The following CCDC57 variants were observed in gnomAD, a reference collection of about 807,000 sequenced individuals.
The protein encoded by CCDC57 is coiled-coil domain-containing protein 57.
Under a neutral mutation model 118.9 loss-of-function variants are expected in CCDC57, and 118 were observed. That is an observed-to-expected ratio of 0.99 (90% CI 0.86 to 1.16). CCDC57 has a LOEUF of 1.16. Among genes scored for constraint, CCDC57 ranks in the 50% most tolerant of loss-of-function variants. The probability of loss-of-function intolerance (pLI) is 0.00; values close to 1 mark genes in which losing one functional copy is unlikely to be tolerated. For missense variants in CCDC57, 1,300 were observed against 1,320.7 expected (o/e 0.98, Z 0.24); for synonymous variants, 527 against 532.9 (o/e 0.99, Z 0.15).
At chr17:82,110,534 T>C (rs1035009030) in intron 19 of CCDC57, among the ~76,000 whole-genome samples, 3 of 152,134 alleles carry the variant, frequency 2.0e-5, no homozygotes, top group African/African-American at 7.2e-5. Context: ...ACCTTACAGG[T>C]AGATGATTCA....
At chr17:82,173,160 T>C (rs964503379) in intron 11 of CCDC57, among the ~76,000 whole-genome samples, 3 of 152,152 alleles carry the variant, frequency 2.0e-5, no homozygotes, top group Admixed American at 6.5e-5. Flanking sequence ...CCAGTGTTTC[T>C]TGGGGACAGA....
chr17:82,182,878 G>T (rs1056347469), intron 9 of CCDC57, among the ~76,000 whole-genome samples: 20 of 150,982 alleles, frequency 1.3e-4, no homozygotes, highest in African/African-American at 4.6e-4. Context: ...TAGAGACGGG[G>T]TTTTACCATG....
chr17:82,127,843 C>T, exon 19 of CCDC57: 2 of 1,610,798 alleles, frequency 1.2e-6, no homozygotes, highest in East Asian at 2.2e-5. Flanking sequence ...CCTGGGGTGG[C>T]TTTGGGGACC....
At chr17:82,107,778 A>G (rs777160131) in intron 19 of CCDC57, among the ~76,000 whole-genome samples, 1 of 152,182 alleles carries the variant, frequency 6.6e-6, no homozygotes, top group Non-Finnish European at 1.5e-5. Flanking sequence ...TCCACCTGAG[A>G]TGGGACTCTG....
rs1339580953 is a variant in CCDC57, at chr17:82,118,667, C to T, written c.2899+9025G>A. Among the ~76,000 whole-genome samples, 1 of 152,100 alleles carries T rather than the reference C, an allele frequency of 6.6e-6. No individual in the cohort carries two copies. The highest frequency in any genetic ancestry group is 2.4e-5 in the African/African-American group (1 of 41,420). On this transcript the variant is annotated intron_variant, in intron 19 of 19. Transcript: ENST00000665763. The surrounding 1 kb of genome is among the most constrained non-coding windows in gnomAD (Gnocchi z 4.7). ...TCTTTGGGGTGAGGTCAGACATCTG[C>T]CTGGGTGCTTCTCTGGAACTGCCTT...
chr17:82,161,045 G>A (rs1236163177), intron 14 of CCDC57, among the ~76,000 whole-genome samples: 5 of 152,108 alleles, frequency 3.3e-5, no homozygotes, highest in African/African-American at 4.8e-5. Context: ...GGATCCACAC[G>A]GATGTTTCTC....
rs138699858 is a variant in CCDC57 at position 82,182,478 on chromosome 17, C to T, written c.1211+1296G>A. Among the ~76,000 whole-genome samples, 541 of 148,030 alleles carry T rather than the reference C, an allele frequency of 3.7e-3. 3 individuals carry two copies. The highest frequency in any genetic ancestry group is 0.012 in the African/African-American group (488 of 40,094). On this transcript the variant is annotated intron_variant, in intron 9 of 19. Coordinates refer to ENST00000665763, the Ensembl canonical transcript of CCDC57. ...AAGTGATTCTCCTGCCTCAGCCCCC[C>T]GAGTAGCTGGGATTACAGGCGTGTG...
At chr17:82,169,308 T>C (rs1037012720) in intron 13 of CCDC57, among the ~76,000 whole-genome samples, 2 of 152,120 alleles carry the variant, frequency 1.3e-5, no homozygotes, top group African/African-American at 4.8e-5. Flanking sequence ...TTTGTATTTT[T>C]AGTAGAGACG....
intron 19 of CCDC57, among the ~76,000 whole-genome samples, chr17:82,103,715 G>C (rs1034166665): frequency 1.3e-5 from 2 of 152,202 alleles, no homozygotes; most frequent in Non-Finnish European, 2.9e-5. Flanking sequence ...CTGAGGGAGG[G>C]GGGTGAAGGG....
At position 82,194,199 on chromosome 17, in the gene CCDC57, G is replaced by A. The variant is rs2048022717; in HGVS notation, c.619-60C>T. Reference sequence around the variant, plus strand: ...ATAATTAGAAGACACTGAGGCATTAGGGGTACATACTGCTGTTTTATCAGG... The same window carrying A: ...ATAATTAGAAGACACTGAGGCATTAAGGGTACATACTGCTGTTTTATCAGG... On this transcript the variant is annotated intron_variant, in intron 5 of 19. Transcript: ENST00000665763. The A allele has an allele frequency of 5.9e-6, 9 of 1,529,824 alleles. No individual in the cohort carries two copies. The Admixed American group carries it at 1.3e-4, about 21-fold the overall frequency. The allele number at this position is 1,529,824 out of a possible 1,614,324, so 94.8% of individuals were successfully genotyped here.
At chr17:82,150,871 T>A (rs1397382666) in intron 16 of CCDC57, among the ~76,000 whole-genome samples, 62 of 65,394 alleles carry the variant, frequency 9.5e-4, no homozygotes, top group East Asian at 4.3e-3. Flanking sequence ...ACCCAGAACC[T>A]GGTGCACACC....
intron 7 of CCDC57, among the ~76,000 whole-genome samples, chr17:82,189,489 C>T (rs1047264996): frequency 2.0e-5 from 3 of 152,000 alleles, no homozygotes; most frequent in African/African-American, 7.3e-5. Context: ...CTTGGCAAGG[C>T]CAACCCCAGC....
chr17:82,140,813 T>A (rs2039912144), intron 16 of CCDC57, among the ~76,000 whole-genome samples: 1 of 151,986 alleles, frequency 6.6e-6, no homozygotes. Context: ...GCCTGGCTTG[T>A]AGGATGGCAG....
intron 16 of CCDC57, among the ~76,000 whole-genome samples, chr17:82,148,429 A>G (rs1184211441): frequency 1.0e-3 from 23 of 23,080 alleles, no homozygotes; most frequent in African/African-American, 1.2e-3. Flanking sequence ...AGGTGGGTGG[A>G]TGGATGGGTG....
At chr17:82,150,766 CGCACACTCAGAACCTGGT>C (rs2041858712) in intron 16 of CCDC57, among the ~76,000 whole-genome samples, 1 of 96,022 alleles carries the variant, frequency 1.0e-5, no homozygotes, top group Non-Finnish European at 2.1e-5. Context: ...CAGAACCAGG[CGCACACTCAGAACCTGGT>C]GCACACCCAG....
chr17:82,200,223 C>G (rs2048832961), intron 3 of CCDC57, among the ~76,000 whole-genome samples: 1 of 152,192 alleles, frequency 6.6e-6, no homozygotes, highest in Non-Finnish European at 1.5e-5. Flanking sequence ...CGGCCCAACA[C>G]ACACAACAGA....
intron 15 of CCDC57, 172 bp downstream of exon 14, chr17:82,157,576 A>C: frequency 7.0e-7 from 1 of 1,434,880 alleles, no homozygotes; most frequent in Non-Finnish European, 9.1e-7. Context: ...AAGGCGGAGG[A>C]ATGGGGAGAG....
At chr17:82,210,744 T>C (rs1484301712) in intron 1 of CCDC57, among the ~76,000 whole-genome samples, 1 of 147,782 alleles carries the variant, frequency 6.8e-6, no homozygotes, top group Non-Finnish European at 1.5e-5. Context: ...CCTGTAATCC[T>C]AGCACTTTGG....
In CCDC57 at chr17:82,212,155, A is replaced by C. The variant is rs1599534408; in HGVS notation, c.-211+630T>G. Among the ~76,000 whole-genome samples, 1 of 152,110 alleles carries C rather than the reference A, an allele frequency of 6.6e-6. No individual in the cohort carries two copies. Among genetic ancestry groups the C allele is most frequent in the African/African-American group, 2.4e-5 (1 of 41,426 alleles). ...AGTCTCAGAGTGTGGCGTTCTCTCT[A>C]TAACTCCCTCAGTTACAACATCGGG... is the stretch of plus-strand genomic sequence containing the variant. On this transcript the variant is annotated intron_variant, in intron 1 of 19. Coordinates refer to ENST00000665763, the Ensembl canonical transcript of CCDC57. The surrounding 1 kb of genome is among the most constrained non-coding windows in gnomAD (Gnocchi z 4.1).
Sources: gnomAD v4.1 joint callset for allele counts (sites outside exome capture counted in the v4.1 genomes callset) on GRCh38, gnomAD v4.1.1 for gene constraint, Gnocchi (gnomAD v3.1) non-coding constraint, MANE v1.5 for transcripts, NCBI Gene and HGNC (gene_info 2026-07-23, HGNC 2026-07-21) for gene names.